TEX11: variants seen among roughly 807,000 people sequenced by gnomAD.
The protein encoded by TEX11 is testis-expressed protein 11.
In TEX11, 7 loss-of-function variants were observed where a neutral mutation model predicts 84.4. The observed-to-expected ratio is 0.08, with a 90% CI of 0.05 to 0.16. TEX11 has a LOEUF of 0.16. Ranked by LOEUF, TEX11 falls within the 10% of genes least tolerant of loss-of-function variation. The pLI is 1.00. For synonymous variants in TEX11, 264 were observed against 222.8 expected, an observed-to-expected ratio of 1.18 and a Z score of -1.64; for missense variants, 551 against 660.5, an observed-to-expected ratio of 0.83 and a Z score of 1.82.
intron 8 of TEX11, among the ~76,000 whole-genome samples, chrX:70,828,021 A>C: frequency 8.9e-6 from 1 of 112,146 alleles, no homozygotes; most frequent in African/African-American, 3.2e-5. Flanking sequence ...CAAGGTCATC[A>C]AGGAGTACCC....
chrX:70,656,113 G>GTA (rs774232604), intron 16 of TEX11, among the ~76,000 whole-genome samples: 14,597 of 100,920 alleles, frequency 0.14, 912 homozygotes, highest in Middle Eastern at 0.2. Flanking sequence ...AGGTAGCTGT[G>GTA]TATATATATA....
intron 9 of TEX11, among the ~76,000 whole-genome samples, chrX:70,788,329 G>A (rs1200805085): frequency 5.4e-5 from 6 of 111,170 alleles, no homozygotes; most frequent in Non-Finnish European, 9.4e-5. Flanking sequence ...TCAACCAATG[G>A]AACAGAATAG....
At chrX:70,873,940 A>G (rs777222052) in intron 3 of TEX11, among the ~76,000 whole-genome samples, 2 of 111,421 alleles carry the variant, frequency 1.8e-5, no homozygotes, top group Non-Finnish European at 3.8e-5. Context: ...TTGATCCCCA[A>G]TGTTGGATGT....
intron 28 of TEX11, among the ~76,000 whole-genome samples, chrX:70,539,562 T>C (rs756607490): frequency 9.0e-6 from 1 of 111,495 alleles, no homozygotes; most frequent in South Asian, 3.8e-4. Context: ...TGACATCAGC[T>C]GTGAGGATTA....
At chrX:70,885,298 G>A (rs908784305) in intron 2 of TEX11, among the ~76,000 whole-genome samples, 4 of 111,732 alleles carry the variant, frequency 3.6e-5, no homozygotes, top group African/African-American at 1.3e-4. Flanking sequence ...AAAGGAACAA[G>A]ATAATCTCCA....
chrX:70,539,038 A>ATATATATATATATT lies in TEX11; in HGVS notation c.2521-9040_2521-9039insAATATATATATATA. Among the ~76,000 whole-genome samples, 125 of 41,233 alleles carry ATATATATATATATT rather than the reference A, an allele frequency of 3.0e-3. 1 individual carries two copies. The highest frequency in any genetic ancestry group is 5.1e-3 in the South Asian group (2 of 390). 35.8% of individuals were successfully genotyped at this position (41,233 alleles called of 115,157 possible). A position where few individuals can be genotyped will look rare whatever the true frequency, so the allele number is the denominator to read the frequency against. ...CTTGGAAATATATATATATATATAT[A>ATATATATATATATT]TTTTTTTTTTTTTTAAGATGGAGTC... is the stretch of plus-strand genomic sequence containing the variant. On this transcript the variant is annotated intron_variant, in intron 28 of 29. Coordinates refer to ENST00000374333, the MANE Select transcript of TEX11 (RefSeq NM_031276.3).
At chrX:70,516,755 A>T in the TEX11 span, among the ~76,000 whole-genome samples, 11 of 110,697 alleles carry the variant, frequency 9.9e-5, no homozygotes, top group Admixed American at 5.8e-4. Context: ...ACCCATGAGC[A>T]TGGAATGTTC....
intron 9 of TEX11, among the ~76,000 whole-genome samples, chrX:70,765,474 G>A (rs1464838936): frequency 6.3e-5 from 7 of 111,586 alleles, no homozygotes; most frequent in African/African-American, 2.0e-4. Flanking sequence ...TGCAAACATC[G>A]TTCAACATAT....
At chrX:70,833,279 A>AAAAGAAAAG (rs1479471410) in intron 8 of TEX11, among the ~76,000 whole-genome samples, 1 of 103,337 alleles carries the variant, frequency 9.7e-6, no homozygotes, top group African/African-American at 3.8e-5. Flanking sequence ...CAGAAAAAAA[A>AAAAGAAAAG]AAAAGAAAAG....
chrX:70,861,784 C>T (rs1223189602), intron 4 of TEX11, among the ~76,000 whole-genome samples: 1 of 109,682 alleles, frequency 9.1e-6, no homozygotes, highest in African/African-American at 3.3e-5. Flanking sequence ...ATATTTAATA[C>T]TTAAATTTTA....
chrX:70,750,893 C>T (rs1380929335), intron 9 of TEX11, among the ~76,000 whole-genome samples: 20 of 67,599 alleles, frequency 3.0e-4, no homozygotes, highest in Non-Finnish European at 5.3e-4. Context: ...GCACAATGTG[C>T]ACATGTATCC....
intron 2 of TEX11, among the ~76,000 whole-genome samples, chrX:70,902,520 C>T (rs1419711049): frequency 3.6e-5 from 4 of 111,215 alleles, no homozygotes; most frequent in Non-Finnish European, 7.5e-5. Flanking sequence ...ACTTTATAAG[C>T]TTTGTTTGTT....
At chrX:70,739,185 A>C (rs1353623487) in intron 11 of TEX11, among the ~76,000 whole-genome samples, 1 of 111,314 alleles carries the variant, frequency 9.0e-6, no homozygotes, top group East Asian at 2.8e-4. Context: ...AATGTTGAAC[A>C]AGTTTTTCAG....
intron 9 of TEX11, among the ~76,000 whole-genome samples, chrX:70,804,238 T>C (rs2091205676): frequency 8.9e-6 from 1 of 111,985 alleles, no homozygotes; most frequent in African/African-American, 3.2e-5. Flanking sequence ...TACTCTATAA[T>C]ACATGCATTA....
chrX:70,746,888 G>A (rs867556413), intron 9 of TEX11, among the ~76,000 whole-genome samples: 8 of 110,523 alleles, frequency 7.2e-5, no homozygotes, highest in African/African-American at 1.3e-4. Flanking sequence ...ACCCACTCAC[G>A]CACAATCAGA....
intron 13 of TEX11, among the ~76,000 whole-genome samples, chrX:70,686,865 C>T: frequency 9.0e-6 from 1 of 111,151 alleles, no homozygotes; most frequent in East Asian, 2.8e-4. Flanking sequence ...TGTATTTTAT[C>T]TGGCAACTCT....
At chrX:70,610,429 C>T in intron 21 of TEX11, 74 bp downstream of exon 21, 1 of 954,829 alleles carries the variant, frequency 1.0e-6, no homozygotes, top group Admixed American at 2.7e-5. Context: ...AGTTGCTGTG[C>T]TTAGTGTACT....
chrX:70,513,745 A>C, the TEX11 span, among the ~76,000 whole-genome samples: 2 of 108,495 alleles, frequency 1.8e-5, no homozygotes, highest in Non-Finnish European at 3.8e-5. Context: ...GGCTAAGGAC[A>C]GAGTTCTCTA....
At chrX:70,799,586 C>T (rs916933590) in intron 9 of TEX11, among the ~76,000 whole-genome samples, 9 of 112,256 alleles carry the variant, frequency 8.0e-5, no homozygotes, top group Non-Finnish European at 1.5e-4. Context: ...TTACTCTTGA[C>T]AGAGCTGCTT....
Sources: gnomAD v4.1 joint callset for allele counts (sites outside exome capture counted in the v4.1 genomes callset) on GRCh38, gnomAD v4.1.1 for gene constraint, MANE v1.5 for transcripts, NCBI Gene and HGNC (gene_info 2026-07-23, HGNC 2026-07-21) for gene names.